GALNTL6: variants seen among roughly 807,000 people sequenced by gnomAD.
GALNTL6 encodes the protein polypeptide N-acetylgalactosaminyltransferase-like 6.
Under a neutral mutation model 73.7 loss-of-function variants are expected in GALNTL6, and 46 were observed. That is an observed-to-expected ratio of 0.62 (90% CI 0.49 to 0.80). The LOEUF (loss-of-function observed/expected upper bound fraction) is 0.80, where lower values mean the gene tolerates loss of function less well. Among genes scored for constraint, GALNTL6 ranks in the 30% least tolerant of loss-of-function variants. The probability of loss-of-function intolerance (pLI) is 0.00; values close to 1 mark genes in which losing one functional copy is unlikely to be tolerated. For synonymous variants in GALNTL6, 259 were observed against 263.7 expected, an observed-to-expected ratio of 0.98 and a Z score of 0.17; for missense variants, 604 against 755.0, an observed-to-expected ratio of 0.80 and a Z score of 2.34.
At chr4:172,945,302 A>G (rs531688537) in intron 9 of GALNTL6, among the ~76,000 whole-genome samples, 161 of 152,328 alleles carry the variant, frequency 1.1e-3, no homozygotes, top group Non-Finnish European at 2.4e-4. Flanking sequence ...AAGGGATTTC[A>G]AAGAGGCATA....
At chr4:171,901,428 G>A (rs1486412096) in intron 2 of GALNTL6, among the ~76,000 whole-genome samples, 6 of 152,140 alleles carry the variant, frequency 3.9e-5, no homozygotes, top group African/African-American at 1.4e-4. Context: ...TGAGAAGCTG[G>A]CCAGAGAAGC....
Position 172,961,526 on chromosome 4 carries a change from C to T in GALNTL6, c.1371+9268C>T, listed in dbSNP as rs117868729. 2.6e-4 allele frequency among the ~76,000 whole-genome samples: 40 copies of T among 152,286 alleles called. No individual in the cohort carries two copies. In the East Asian group the frequency reaches 4.4e-3, roughly 17 times the overall value. ...TGTGGGTGAATAATCAGGCAGGCATCCCCACGTGATTACACACTAAGGGAA... is the reference window on the plus strand; with the variant it reads ...TGTGGGTGAATAATCAGGCAGGCATTCCCACGTGATTACACACTAAGGGAA... On this transcript the variant is annotated intron_variant, in intron 10 of 12. Coordinates refer to ENST00000506823, the MANE Select transcript of GALNTL6 (RefSeq NM_001034845.3).
intron 5 of GALNTL6, among the ~76,000 whole-genome samples, chr4:172,356,750 A>T (rs1471027640): frequency 2.6e-5 from 4 of 152,208 alleles, no homozygotes; most frequent in Non-Finnish European, 2.9e-5. Flanking sequence ...ATGAGTAAAC[A>T]GCAACTGATA....
At chr4:172,057,498 G>A (rs1183619720) in intron 2 of GALNTL6, among the ~76,000 whole-genome samples, 2 of 150,328 alleles carry the variant, frequency 1.3e-5, no homozygotes, top group South Asian at 2.1e-4. Context: ...AAATCAGCCC[G>A]GGCAACATAG....
chr4:172,327,034 C>T (rs947238908), intron 4 of GALNTL6, among the ~76,000 whole-genome samples: 1 of 151,868 alleles, frequency 6.6e-6, no homozygotes, highest in African/African-American at 2.4e-5. Flanking sequence ...AAATATAATA[C>T]TATCATTTTT....
intron 5 of GALNTL6, among the ~76,000 whole-genome samples, chr4:172,641,599 C>T (rs1019605931): frequency 6.6e-6 from 1 of 152,178 alleles, no homozygotes; most frequent in Admixed American, 6.6e-5. Flanking sequence ...CTGAACCTTA[C>T]CAATACACCT....
chr4:171,885,114 G>C (rs144777847), intron 2 of GALNTL6, among the ~76,000 whole-genome samples: 2 of 151,762 alleles, frequency 1.3e-5, no homozygotes, highest in African/African-American at 4.8e-5. Context: ...TTAAAATACA[G>C]ATTTGGGGAT....
intron 2 of GALNTL6, among the ~76,000 whole-genome samples, chr4:171,931,883 T>C (rs541934635): frequency 6.6e-6 from 1 of 152,262 alleles, no homozygotes; most frequent in South Asian, 2.1e-4. Flanking sequence ...CATTTGTATG[T>C]TGTGAGTTAA....
rs1748327369 is a variant in GALNTL6, at chr4:172,931,327, A to G, written c.1149+59A>G. 9 of 978,276 alleles carry G rather than the reference A, an allele frequency of 9.2e-6. No homozygotes were observed. The South Asian group carries it at 1.0e-4, about 11-fold the overall frequency. 60.6% of individuals were successfully genotyped at this position (978,276 alleles called of 1,614,324 possible). A position where few individuals can be genotyped will look rare whatever the true frequency, so the allele number is the denominator to read the frequency against. On this transcript the variant is annotated intron_variant, in intron 9 of 12. Coordinates refer to ENST00000506823, the MANE Select transcript of GALNTL6 (RefSeq NM_001034845.3). ...GATATGGCTTTCTGTAACCAGAGTA[A>G]CCAACCTTGCCCATGGCACAGTCTG...
At chr4:172,347,128 G>C (rs948363475) in intron 4 of GALNTL6, among the ~76,000 whole-genome samples, 1 of 151,284 alleles carries the variant, frequency 6.6e-6, no homozygotes, top group African/African-American at 2.4e-5. Context: ...TAGCTAGGAT[G>C]ACAGGCGTGT....
At chr4:172,778,993 A>T (rs946339492) in intron 5 of GALNTL6, among the ~76,000 whole-genome samples, 5 of 150,564 alleles carry the variant, frequency 3.3e-5, no homozygotes, top group South Asian at 2.1e-4. Flanking sequence ...TCTCTCTCTC[A>T]CACACACACT....
chr4:172,315,750 A>G (rs1740522132), intron 4 of GALNTL6, among the ~76,000 whole-genome samples: 1 of 151,460 alleles, frequency 6.6e-6, no homozygotes, highest in Admixed American at 6.6e-5. Flanking sequence ...TGTATGACAA[A>G]TGTCCAGTCA....
chr4:172,487,405 C>T (rs1219071400), intron 5 of GALNTL6, among the ~76,000 whole-genome samples: 3 of 132,010 alleles, frequency 2.3e-5, no homozygotes, highest in African/African-American at 5.7e-5. Flanking sequence ...CTTTCTTTTT[C>T]TTTCTTGTCT....
intron 2 of GALNTL6, among the ~76,000 whole-genome samples, chr4:171,922,343 T>G (rs929301726): frequency 1.3e-5 from 2 of 152,104 alleles, no homozygotes; most frequent in African/African-American, 4.8e-5. Context: ...ATATGGTATA[T>G]TTTTATAAAA....
intron 5 of GALNTL6, among the ~76,000 whole-genome samples, chr4:172,568,757 CAAAAAAAAA>C (rs71592082): frequency 1.5e-5 from 1 of 67,078 alleles, no homozygotes; most frequent in African/African-American, 6.5e-5. Flanking sequence ...GACTCCATCT[CAAAAAAAAA>C]AAAAAAAAAA....
intron 2 of GALNTL6, among the ~76,000 whole-genome samples, chr4:172,087,320 C>T (rs935421539): frequency 2.0e-5 from 3 of 151,774 alleles, no homozygotes; most frequent in Admixed American, 2.0e-4. Flanking sequence ...GGGTGGGCGC[C>T]TGTAGTCCCA....
At chr4:172,150,864 T>C (rs1734065989) in intron 2 of GALNTL6, among the ~76,000 whole-genome samples, 1 of 152,220 alleles carries the variant, frequency 6.6e-6, no homozygotes, top group African/African-American at 2.4e-5. Flanking sequence ...TGTTGTATTT[T>C]AACTGTGGAA....
At position 172,087,444 on chromosome 4, in the gene GALNTL6, CA is replaced by C. The variant is rs70941381; in HGVS notation, c.139-142198del. Among the ~76,000 whole-genome samples the C allele has an allele frequency of 9.7e-4, 98 of 100,528 alleles. 1 individual carries two copies. Among genetic ancestry groups the C allele is most frequent in the South Asian group, 1.4e-3 (5 of 3,472 alleles). 66.0% of individuals were successfully genotyped at this position (100,528 alleles called of 152,430 possible). A position where few individuals can be genotyped will look rare whatever the true frequency, so the allele number is the denominator to read the frequency against. ...TGGGCAACAGAGTTAGACTCCATCC[CA>C]AAAAAAAAAAAAACAAAAAAAACAA... is the stretch of plus-strand genomic sequence containing the variant. On this transcript the variant is annotated intron_variant, in intron 2 of 12. Coordinates refer to ENST00000506823, the MANE Select transcript of GALNTL6 (RefSeq NM_001034845.3).
chr4:171,881,017 C>G (rs1179422220), intron 2 of GALNTL6, among the ~76,000 whole-genome samples: 1 of 151,280 alleles, frequency 6.6e-6, no homozygotes, highest in Non-Finnish European at 1.5e-5. Flanking sequence ...CAAAATGGCT[C>G]CCACCGAGTA....
Sources: allele counts gnomAD v4.1 joint callset (sites outside exome capture counted in the v4.1 genomes callset), GRCh38; gene constraint gnomAD v4.1.1; transcripts MANE v1.5; gene names NCBI Gene and HGNC (gene_info 2026-07-23, HGNC 2026-07-21).